The following POR variants were observed in gnomAD, a reference collection of about 807,000 sequenced individuals.
The protein encoded by POR is NADPH--cytochrome P450 reductase.
Under a neutral mutation model 84.0 loss-of-function variants are expected in POR, and 56 were observed. The observed-to-expected ratio is 0.67, with a 90% CI of 0.54 to 0.83. POR has a LOEUF of 0.83. POR is among the 40% of genes least tolerant of loss of function. The probability of loss-of-function intolerance (pLI) is 0.00; values close to 1 mark genes in which losing one functional copy is unlikely to be tolerated. For missense variants in POR, 938 were observed against 944.3 expected (o/e 0.99, Z 0.09); for synonymous variants, 414 against 400.5 (o/e 1.03, Z -0.40).
chr7:75,960,075 A>G (rs1204196209), intron 2 of POR, among the ~76,000 whole-genome samples: 1 of 152,002 alleles, frequency 6.6e-6, no homozygotes, highest in Non-Finnish European at 1.5e-5. Context: ...GATTGCTTTG[A>G]GCCCAGGAGT....
At chr7:75,958,473 T>C (rs1554554050) in intron 2 of POR, among the ~76,000 whole-genome samples, 1 of 152,106 alleles carries the variant, frequency 6.6e-6, no homozygotes, top group African/African-American at 2.4e-5. Context: ...ACAAGAGCCC[T>C]TCCACGAAGA....
intron 2 of POR, among the ~76,000 whole-genome samples, chr7:75,957,117 G>A (rs972826523): frequency 1.4e-4 from 21 of 152,352 alleles, no homozygotes; most frequent in Middle Eastern, 3.4e-3. Flanking sequence ...GTTAGGTAGC[G>A]TGGGTTGCCT....
At chr7:75,967,742 C>T in intron 2 of POR, 1 of 233,596 alleles carries the variant, frequency 4.3e-6, no homozygotes, top group South Asian at 5.4e-5. Flanking sequence ...AAGGTTTTCT[C>T]CTTCCCTCGG....
chr7:75,917,875 A>T (rs1262025976), intron 1 of POR, among the ~76,000 whole-genome samples: 1 of 152,192 alleles, frequency 6.6e-6, no homozygotes, highest in African/African-American at 2.4e-5. Context: ...TTCAAATGCC[A>T]ATTCTAGGCT....
At chr7:75,953,662 G>C (rs1554553256) in intron 1 of POR, among the ~76,000 whole-genome samples, 3 of 152,194 alleles carry the variant, frequency 2.0e-5, no homozygotes, top group African/African-American at 7.2e-5. Flanking sequence ...TGTGGGATTA[G>C]AGGATGTTCC....
chr7:75,973,745 G>A (rs782106153), intron 3 of POR, among the ~76,000 whole-genome samples: 9 of 121,932 alleles, frequency 7.4e-5, no homozygotes, highest in Admixed American at 1.1e-4. Flanking sequence ...GCAATGGCAC[G>A]GTCTTGGCTC....
chr7:75,985,132 GC>G lies in POR; in HGVS notation c.1329del (p.Ile444SerfsTer101). 1.9e-6 allele frequency: 3 copies of G among 1,599,992 alleles called. No individual in the cohort carries two copies. Among genetic ancestry groups the G allele is most frequent in the Non-Finnish European group, 1.7e-6 (2 of 1,179,582 alleles). ...TCCTGCAGGACTGCCCGTCCCTGCGGCCCCCCATCGACCACCTGTGTGAGCT... is the reference window on the plus strand; with the variant it reads ...TCCTGCAGGACTGCCCGTCCCTGCGGCCCCCATCGACCACCTGTGTGAGCT... On this transcript the variant is annotated frameshift_variant, in exon 12 of 16. Coordinates refer to ENST00000461988, the MANE Select transcript of POR (RefSeq NM_000941.3). LOFTEE classifies it high-confidence loss of function.
Position 75,985,176 on chromosome 7 carries a change from C to T in POR, c.1367C>T (p.Ala456Val). ...TGTGAGCTGCTGCCGCGCCTGCAGG[C>T]CCGCTACTACTCCATCGCCTCATCC... Residue 456 changes from alanine to valine, a missense_variant, in exon 12 of 16, where the codon GCC becomes GTC. Coordinates refer to ENST00000461988, the MANE Select transcript of POR (RefSeq NM_000941.3). 6.3e-7 allele frequency: 1 copy of T among 1,598,476 alleles called. No homozygotes were observed. The highest frequency in any genetic ancestry group is 1.1e-5 in the South Asian group (1 of 90,960).
intron 1 of POR, among the ~76,000 whole-genome samples, chr7:75,930,615 C>T (rs887024341): frequency 6.7e-5 from 10 of 149,820 alleles, no homozygotes; most frequent in Non-Finnish European, 1.0e-4. Context: ...CTCCACCTCC[C>T]GGGTTCAAGT....
At position 75,986,749 on chromosome 7, in the gene POR, GCT is replaced by G. The variant is rs1289604041; in HGVS notation, c.*271_*272del. ...TGGCCCTCGGTGGCTGCACAGAAGG[GCT>G]CTTTCTCTCTGCTGAGCTGGGCCCA... On this transcript the variant is annotated 3_prime_UTR_variant, in exon 16 of 16. Transcript: ENST00000461988. The G allele has an allele frequency of 5.1e-6, 3 of 582,750 alleles. No individual in the cohort carries two copies. Among genetic ancestry groups the G allele is most frequent in the Non-Finnish European group, 9.1e-6 (3 of 329,556 alleles). 36.1% of individuals were successfully genotyped at this position (582,750 alleles called of 1,614,324 possible).
At chr7:75,944,068 C>T (rs1264793419) in intron 1 of POR, among the ~76,000 whole-genome samples, 2 of 152,128 alleles carry the variant, frequency 1.3e-5, no homozygotes, top group South Asian at 2.1e-4. Context: ...CACCACCTGG[C>T]GGAACCAGGG....
chr7:75,934,462 A>G (rs1052888221), intron 1 of POR, among the ~76,000 whole-genome samples: 3 of 152,180 alleles, frequency 2.0e-5, no homozygotes, highest in Non-Finnish European at 4.4e-5. Context: ...CAGGCTGGCC[A>G]TGTGACAGAA....
chr7:75,977,197 A>G (rs1788736001), intron 3 of POR, among the ~76,000 whole-genome samples: 3 of 152,190 alleles, frequency 2.0e-5, no homozygotes, highest in Non-Finnish European at 4.4e-5. Context: ...TGTGAAAACT[A>G]GAGACTACTT....
intron 3 of POR, among the ~76,000 whole-genome samples, chr7:75,979,190 T>A (rs1282793622): frequency 6.6e-6 from 1 of 152,254 alleles, no homozygotes; most frequent in Non-Finnish European, 1.5e-5. Context: ...ACTTTGTTTT[T>A]TCCCCGTGTC....
Position 75,930,534 on chromosome 7 carries a change from G to A in POR, c.-5+15355G>A, listed in dbSNP as rs914146494. ...AAATGTAAACAAGGAAATAGAAAAC[G>A]TTTATACTGATGGAGTCTCGCTGTG... On this transcript the variant is annotated intron_variant, in intron 1 of 15. Transcript: ENST00000461988. Among the ~76,000 whole-genome samples, 8 of 152,058 alleles carry A rather than the reference G, an allele frequency of 5.3e-5. No homozygotes were observed. In the East Asian group the frequency reaches 7.7e-4, roughly 15 times the overall value.
At chr7:75,935,427 A>G (rs1287177686) in intron 1 of POR, among the ~76,000 whole-genome samples, 1 of 151,994 alleles carries the variant, frequency 6.6e-6, no homozygotes, top group African/African-American at 2.4e-5. Context: ...TTGTATTTTT[A>G]GTAGGGACAG....
chr7:75,938,497 C>T (rs1364120995), intron 1 of POR, among the ~76,000 whole-genome samples: 1 of 152,160 alleles, frequency 6.6e-6, no homozygotes, highest in Non-Finnish European at 1.5e-5. Flanking sequence ...GTGGCTCTTA[C>T]CTGTTATCCC....
intron 2 of POR, among the ~76,000 whole-genome samples, chr7:75,961,575 C>T (rs562024503): frequency 7.9e-5 from 12 of 152,174 alleles, no homozygotes; most frequent in East Asian, 7.7e-4. Flanking sequence ...GGACCCCATA[C>T]GCCTCCAGCC....
At chr7:75,972,698 A>G (rs1788496182) in intron 3 of POR, 5 of 597,824 alleles carry the variant, frequency 8.4e-6, no homozygotes, top group South Asian at 7.4e-5. Context: ...ACCAAAGTCT[A>G]AGAACAGACC....
Sources: gnomAD v4.1 joint callset for allele counts (sites outside exome capture counted in the v4.1 genomes callset) on GRCh38, gnomAD v4.1.1 for gene constraint, MANE v1.5 for transcripts, NCBI Gene and HGNC (gene_info 2026-07-23, HGNC 2026-07-21) for gene names.